Variants in PLA2G2A observed in about 807,000 individuals in gnomAD.
PLA2G2A encodes phospholipase A2 group IIA, also known as phospholipase A2, membrane associated.
In PLA2G2A, 6 loss-of-function variants were observed where a neutral mutation model predicts 11.2. That is an observed-to-expected ratio of 0.54 (90% CI 0.29 to 1.06). The LOEUF (loss-of-function observed/expected upper bound fraction) is 1.06. Ranked by LOEUF, PLA2G2A falls within the 50% of genes least tolerant of loss-of-function variation. The pLI is 0.08. For synonymous variants in PLA2G2A, 69 were observed against 65.8 expected, an observed-to-expected ratio of 1.05 and a Z score of -0.23; for missense variants, 133 against 177.1, an observed-to-expected ratio of 0.75 and a Z score of 1.41.
At chr1:19,976,351 G>A (rs1027160916) in intron 4 of PLA2G2A, among the ~76,000 whole-genome samples, 25 of 152,232 alleles carry the variant, frequency 1.6e-4, no homozygotes, top group African/African-American at 6.0e-4. Flanking sequence ...TATGAGGCCA[G>A]GAGGGTGGAC....
chr1:19,978,137 C>T lies in PLA2G2A; in HGVS notation c.186-16G>A, dbSNP rs762432235. 1.3e-6 allele frequency: 2 copies of T among 1,575,264 alleles called. No homozygotes were observed. Among genetic ancestry groups the T allele is most frequent in the Non-Finnish European group, 1.7e-6 (2 of 1,144,506 alleles). On this transcript the variant is annotated splice_polypyrimidine_tract_variant and intron_variant, in intron 3 of 4. Transcript: ENST00000482011. ...GACACAGCAGCTGTGAGGAGACACC[C>T]TGTTGGGGCTCTTGTCCCACAGCTC...
chr1:19,975,698 G>A (rs1311786071), exon 5 of PLA2G2A: 7 of 1,613,200 alleles, frequency 4.3e-6, no homozygotes, highest in Non-Finnish European at 5.9e-6. Context: ...GGGAAGAGGG[G>A]ACTCAGCAAC....
intron 4 of PLA2G2A, 134 bp from the exon 5 acceptor site, chr1:19,975,977 A>G: frequency 1.3e-6 from 1 of 766,326 alleles, no homozygotes. Context: ...TGCGCTCCAG[A>G]TATTTCTGAC....
At chr1:19,977,574 C>T (rs878862974) in intron 4 of PLA2G2A, among the ~76,000 whole-genome samples, 5 of 152,200 alleles carry the variant, frequency 3.3e-5, no homozygotes, top group East Asian at 1.9e-4. Context: ...AAATACAGCC[C>T]GGCCTGGAGG....
chr1:19,978,460 C>T, exon 3 of PLA2G2A: 1 of 1,613,966 alleles, frequency 6.2e-7, no homozygotes, highest in Non-Finnish European at 8.5e-7. Context: ...GTGCGGCTTC[C>T]TTTCCTGTCG....
intron 1 of PLA2G2A, 102 bp from the exon 2 acceptor site, chr1:19,978,981 A>G (rs1571226924): frequency 1.9e-6 from 1 of 524,938 alleles, no homozygotes; most frequent in Non-Finnish European, 3.5e-6. Context: ...ATGCACACAC[A>G]CACACACACA....
At chr1:19,978,629 T>G in intron 2 of PLA2G2A, 105 bp from the exon 3 acceptor site, 1 of 1,598,272 alleles carries the variant, frequency 6.3e-7, no homozygotes, top group South Asian at 1.1e-5. Context: ...GCTTCTTTTT[T>G]CCCCCTGAGA....
intron 4 of PLA2G2A, 144 bp from the exon 5 acceptor site, chr1:19,975,987 C>A: frequency 1.4e-6 from 1 of 736,906 alleles, no homozygotes; most frequent in South Asian, 1.5e-5. Flanking sequence ...ATATTTCTGA[C>A]CAATGGGGAG....
At chr1:19,975,434 A>T (rs876018), downstream of PLA2G2A, 82,487 of 508,038 alleles carry the variant, frequency 0.16, 7,168 homozygotes, top group African/African-American at 0.24. Flanking sequence ...ACACATATAC[A>T]TGATTTGCTA....
chr1:19,975,877 G>T, intron 4 of PLA2G2A, 34 bp from the exon 5 acceptor site: 1 of 1,601,134 alleles, frequency 6.2e-7, no homozygotes, highest in Non-Finnish European at 8.5e-7. Context: ...CAAGATGGGA[G>T]TTTATTAATA....
chr1:19,978,225 C>T, intron 3 of PLA2G2A, 104 bp from the exon 4 acceptor site: 1 of 1,338,272 alleles, frequency 7.5e-7, no homozygotes, highest in South Asian at 1.2e-5. Context: ...AGTGACTTTG[C>T]AACAGTCTAG....
At chr1:19,978,261 CT>C in intron 3 of PLA2G2A, 118 bp downstream of exon 3, 1 of 1,408,640 alleles carries the variant, frequency 7.1e-7, no homozygotes, top group Non-Finnish European at 1.0e-6. Flanking sequence ...ATGCCGGCTG[CT>C]TTTCCAGCCA....
chr1:19,975,805 CA>C lies in PLA2G2A; in HGVS notation c.330del (p.Cys110TrpfsTer?). 6.2e-7 allele frequency: 1 copy of C among 1,613,856 alleles called. No individual in the cohort carries two copies. Among genetic ancestry groups the C allele is most frequent in the Non-Finnish European group, 8.5e-7 (1 of 1,179,738 alleles). ...GCAAAACAGGTGGCAGCAGCCTTAT[CA>C]CACTCACACAGTTGACTTCTGCAGG... On this transcript the variant is annotated frameshift_variant, in exon 5 of 5. Transcript: ENST00000482011. LOFTEE classifies it low-confidence loss of function (END_TRUNC).
Position 19,975,855 on chromosome 1 carries a change from A to T in PLA2G2A, c.293-12T>A, listed in dbSNP as rs546411294. The T allele has an allele frequency of 6.2e-7, 1 of 1,612,954 alleles. No individual in the cohort carries two copies. Among genetic ancestry groups the T allele is most frequent in the African/African-American group, 1.3e-5 (1 of 75,042 alleles). On this transcript the variant is annotated splice_polypyrimidine_tract_variant and intron_variant, in intron 4 of 4. Coordinates refer to ENST00000482011, the Ensembl canonical transcript of PLA2G2A. ...GGAGTCCTGTTTTGCTGAAATCATA[A>T]GAAAATAAACACAAGATGGGAGTTT...
chr1:19,977,216 C>T (rs2046232466), intron 4 of PLA2G2A, among the ~76,000 whole-genome samples: 1 of 152,106 alleles, frequency 6.6e-6, no homozygotes, highest in Admixed American at 6.5e-5. Context: ...ACTGCTCCTC[C>T]CCACCCTCCA....
upstream of PLA2G2A, chr1:19,980,267 CCT>C (rs2046281752): frequency 1.3e-5 from 2 of 152,344 alleles, no homozygotes; most frequent in African/African-American, 2.4e-5. Context: ...TTCCTCCACC[CCT>C]GTCTCATATG....
At chr1:19,979,103 T>A in intron 1 of PLA2G2A, 1 of 390,284 alleles carries the variant, frequency 2.6e-6, no homozygotes, top group Non-Finnish European at 4.8e-6. Flanking sequence ...ACCTCCCCTG[T>A]ACCTCATCAG....
intron 4 of PLA2G2A, among the ~76,000 whole-genome samples, chr1:19,976,499 T>C (rs576529332): frequency 6.6e-6 from 1 of 152,312 alleles, no homozygotes; most frequent in South Asian, 2.1e-4. Flanking sequence ...AGAATTCTAG[T>C]TATGCGACAG....
At chr1:19,977,966 C>T (rs766185925) in intron 4 of PLA2G2A, 49 bp downstream of exon 4, 3 of 1,069,864 alleles carry the variant, frequency 2.8e-6, no homozygotes, top group South Asian at 2.5e-5. Context: ...CAGTCCCCAG[C>T]ACTGTCTAAA....
Sources: allele counts gnomAD v4.1 joint callset (sites outside exome capture counted in the v4.1 genomes callset), GRCh38; gene constraint gnomAD v4.1.1; transcripts MANE v1.5; gene names NCBI Gene and HGNC (gene_info 2026-07-23, HGNC 2026-07-21).